The following PCDHGA3 variants were observed in gnomAD, a reference collection of about 807,000 sequenced individuals.
The protein encoded by PCDHGA3 is protocadherin gamma-A3.
In PCDHGA3, 40 loss-of-function variants were observed where a neutral mutation model predicts 58.5. The ratio of observed to expected loss-of-function variants is 0.68; its 90% confidence interval spans 0.53 to 0.89. The LOEUF (loss-of-function observed/expected upper bound fraction) is 0.89, where lower values mean the gene tolerates loss of function less well. Among genes scored for constraint, PCDHGA3 ranks in the 40% least tolerant of loss-of-function variants. The pLI, the probability that PCDHGA3 is intolerant of heterozygous loss-of-function variation, is 0.00. For synonymous variants in PCDHGA3, 530 were observed against 525.7 expected (o/e 1.01, Z -0.11); for missense variants, 1,223 against 1,195.9 (o/e 1.02, Z -0.33).
intron 1 of PCDHGA3, among the ~76,000 whole-genome samples, chr5:141,492,802 G>A (rs1490284966): frequency 6.6e-6 from 1 of 152,234 alleles, no homozygotes; most frequent in Non-Finnish European, 1.5e-5. Flanking sequence ...GCAGGACTGG[G>A]ACTCCAGTGG....
intron 1 of PCDHGA3, chr5:141,361,146 T>C (rs1761903923): frequency 1.2e-6 from 2 of 1,613,968 alleles, no homozygotes; most frequent in East Asian, 4.5e-5. Context: ...AAGTTGAAAT[T>C]CTTGATGACA....
chr5:141,376,676 G>GTGTTTTTTT (rs1773033495), intron 1 of PCDHGA3: 1 of 275,812 alleles, frequency 3.6e-6, no homozygotes, highest in African/African-American at 3.7e-5. Flanking sequence ...TGAGGGTATC[G>GTGTTTTTTT]TTTTTTTTTT....
At chr5:141,372,236 C>T (rs777727544) in intron 1 of PCDHGA3, 44 of 1,613,204 alleles carry the variant, frequency 2.7e-5, no homozygotes, top group Non-Finnish European at 3.6e-5. Flanking sequence ...CCAGCGAGCC[C>T]GGGCTGTTCA....
chr5:141,344,305 A>G lies in PCDHGA3; in HGVS notation c.272A>G (p.Asp91Gly). Residue 91 changes from aspartate (D) to glycine (G), a missense_variant, in exon 1 of 4, where the codon GAC (aspartate) becomes GGC (glycine). This residue lies in a region of PCDHGA3 where 791 missense variants were observed against 708.5 expected (regional missense o/e 1.12). Coordinates refer to ENST00000253812, the MANE Select transcript of PCDHGA3 (RefSeq NM_018916.4). ...SGSLVTAERIDREELCAQIPL... is the reference protein window; with the variant it reads ...SGSLVTAERIGREELCAQIPL... Reference sequence around the variant, plus strand: ...AGCTTGGTCACCGCGGAGAGGATAGACCGGGAGGAGCTCTGCGCTCAGATC... The same window carrying G: ...AGCTTGGTCACCGCGGAGAGGATAGGCCGGGAGGAGCTCTGCGCTCAGATC... The G allele has an allele frequency of 6.2e-7, 1 of 1,614,066 alleles. No homozygotes were observed. Among genetic ancestry groups the G allele is most frequent in the Non-Finnish European group, 8.5e-7 (1 of 1,179,926 alleles).
chr5:141,415,031 G>T lies in PCDHGA3; in HGVS notation c.2424+68574G>T, dbSNP rs982540695. The T allele has an allele frequency of 6.2e-6, 10 of 1,613,464 alleles. No individual in the cohort carries two copies. The highest frequency in any genetic ancestry group is 6.8e-6 in the Non-Finnish European group (8 of 1,179,984). On this transcript the variant is annotated intron_variant, in intron 1 of 3. Transcript: ENST00000253812. ...CGTCTGCTCAAGGCCAGCGAGCCGGGACTCTTCGCGGTGGGGGAGCACACG... is the reference window on the plus strand; with the variant it reads ...CGTCTGCTCAAGGCCAGCGAGCCGGTACTCTTCGCGGTGGGGGAGCACACG...
intron 1 of PCDHGA3, chr5:141,419,098 G>A (rs993605209): frequency 8.7e-6 from 14 of 1,613,812 alleles, no homozygotes; most frequent in African/African-American, 2.7e-5. Context: ...TGGATCGGGA[G>A]CAGACCCCAG....
At chr5:141,375,234 G>C (rs371683670) in intron 1 of PCDHGA3, 16 of 1,613,840 alleles carry the variant, frequency 9.9e-6, no homozygotes, top group African/African-American at 1.3e-5. Context: ...CTGGTAACCT[G>C]TTCCATCCCG....
At chr5:141,423,397 C>T (rs759822483) in intron 1 of PCDHGA3, 3 of 1,614,146 alleles carry the variant, frequency 1.9e-6, no homozygotes, top group East Asian at 2.2e-5. Context: ...GCATAAGTCA[C>T]GCCTGCTGCA....
intron 1 of PCDHGA3, chr5:141,405,402 C>T: frequency 6.3e-7 from 1 of 1,589,724 alleles, no homozygotes; most frequent in Non-Finnish European, 8.6e-7. Flanking sequence ...TTCTTTCTTT[C>T]TTTTCTTTTT....
chr5:141,400,145 A>T (rs543908773), intron 1 of PCDHGA3: 6 of 1,613,314 alleles, frequency 3.7e-6, no homozygotes, highest in Non-Finnish European at 4.2e-6. Flanking sequence ...GATATCACTG[A>T]CCGCCCTGTA....
intron 1 of PCDHGA3, chr5:141,403,591 G>A (rs1377998886): frequency 2.5e-6 from 4 of 1,613,836 alleles, no homozygotes; most frequent in East Asian, 2.2e-5. Context: ...TGGTCCTCAC[G>A]GCCTCGGATG....
intron 2 of PCDHGA3, among the ~76,000 whole-genome samples, chr5:141,501,942 C>T (rs1012840550): frequency 2.6e-5 from 4 of 152,136 alleles, no homozygotes; most frequent in Non-Finnish European, 4.4e-5. Context: ...CACCACTGCT[C>T]CCTGTGACAG....
chr5:141,509,157 C>T lies in PCDHGA3; in HGVS notation c.2573-1790C>T, dbSNP rs369133984. Among the ~76,000 whole-genome samples the T allele has an allele frequency of 2.6e-4, 40 of 152,314 alleles. No individual in the cohort carries two copies. In the South Asian group the frequency reaches 7.0e-3, roughly 27 times the overall value. On this transcript the variant is annotated intron_variant, in intron 3 of 3. Transcript: ENST00000253812. The stretch of plus-strand genomic sequence containing the variant: ...GAGGCGCATCCCGGCTCTCCCCTCC[C>T]GTGTGCCCTCCTCCTCTTATGCCGG...
rs778571401 is a variant in PCDHGA3, at chr5:141,371,690, C to T, written c.2424+25233C>T. On this transcript the variant is annotated intron_variant, in intron 1 of 3. Coordinates refer to ENST00000253812, the MANE Select transcript of PCDHGA3 (RefSeq NM_018916.4). ...CTACCGACAAAGGCAATCCACCGCTCTCCTCCAGCAAGACCATCACTCTGC... is the reference window on the plus strand; with the variant it reads ...CTACCGACAAAGGCAATCCACCGCTTTCCTCCAGCAAGACCATCACTCTGC... 14 of 1,614,078 alleles carry T rather than the reference C, an allele frequency of 8.7e-6. No homozygotes were observed. The Admixed American group carries it at 2.3e-4, about 27-fold the overall frequency.
In PCDHGA3 at chr5:141,477,491, C is replaced by T; in HGVS notation, c.2425-17316C>T. 1 of 1,614,154 alleles carries T rather than the reference C, an allele frequency of 6.2e-7. No homozygotes were observed. The highest frequency in any genetic ancestry group is 8.5e-7 in the Non-Finnish European group (1 of 1,180,022). On this transcript the variant is annotated intron_variant, in intron 1 of 3. Coordinates refer to ENST00000253812, the MANE Select transcript of PCDHGA3 (RefSeq NM_018916.4). The surrounding 1 kb of genome is among the most constrained non-coding windows in gnomAD (Gnocchi z 4.9). ...CAATGACAACCCTCCACAATCTTCT[C>T]AATCTTCCTACGACGTTTACATTGA...
intron 1 of PCDHGA3, among the ~76,000 whole-genome samples, chr5:141,381,247 GA>G (rs1777085183): frequency 6.6e-6 from 1 of 152,240 alleles, no homozygotes; most frequent in Non-Finnish European, 1.5e-5. Flanking sequence ...CCAGGACCTA[GA>G]AGAATTTACA....
intron 1 of PCDHGA3, among the ~76,000 whole-genome samples, chr5:141,483,689 G>A (rs1234666254): frequency 6.6e-6 from 1 of 152,022 alleles, no homozygotes; most frequent in Non-Finnish European, 1.5e-5. Flanking sequence ...CAGAAAGCCA[G>A]ATTCCTCTTT....
chr5:141,414,434 C>A (rs774467993), intron 1 of PCDHGA3: 2 of 1,613,822 alleles, frequency 1.2e-6, no homozygotes, highest in Non-Finnish European at 8.5e-7. Flanking sequence ...GAACAGGTAT[C>A]CTCTTACAAT....
At position 141,511,424 on chromosome 5, in the gene PCDHGA3, G is replaced by A. The variant is rs939906846; in HGVS notation, c.*251G>A. 10 of 810,392 alleles carry A rather than the reference G, an allele frequency of 1.2e-5. No homozygotes were observed. Among genetic ancestry groups the A allele is most frequent in the East Asian group, 3.0e-5 (1 of 33,800 alleles). The allele number at this position is 810,392 out of a possible 1,614,324, so 50.2% of individuals were successfully genotyped here. On this transcript the variant is annotated 3_prime_UTR_variant, in exon 4 of 4. Transcript: ENST00000253812. The stretch of plus-strand genomic sequence containing the variant: ...ATCAACTGCTGTACCCATGGGGGTA[G>A]TGGGGTTACTGTAGACACCAAGAAC...
Sources: allele counts gnomAD v4.1 joint callset (sites outside exome capture counted in the v4.1 genomes callset), GRCh38; gene constraint gnomAD v4.1.1; regional missense constraint gnomAD v4.1.1; non-coding constraint Gnocchi (gnomAD v3.1); transcripts MANE v1.5; gene names NCBI Gene and HGNC (gene_info 2026-07-23, HGNC 2026-07-21).